The following ANKRD26 variants were observed in gnomAD, a reference collection of about 807,000 sequenced individuals.
ANKRD26 encodes the protein ankyrin repeat domain-containing protein 26.
Under a neutral mutation model 208.7 loss-of-function variants are expected in ANKRD26, and 141 were observed. That is an observed-to-expected ratio of 0.68 (90% confidence interval 0.59 to 0.78). The LOEUF is 0.78. Among genes scored for constraint, ANKRD26 ranks in the 30% least tolerant of loss-of-function variants. The pLI, the probability that ANKRD26 is intolerant of heterozygous loss-of-function variation, is 0.00. For synonymous variants in ANKRD26, 636 were observed against 660.4 expected, an observed-to-expected ratio of 0.96 and a Z score of 0.57; for missense variants, 1,889 against 1,938.7, an observed-to-expected ratio of 0.97 and a Z score of 0.48.
chr10:27,053,244 T>C, intron 16 of ANKRD26, 76 bp downstream of exon 16: 1 of 1,067,584 alleles, frequency 9.4e-7, no homozygotes. Context: ...TGAAAAGTAA[T>C]TTCATTTGGA....
At chr10:27,054,012 A>C (rs931535122) in intron 15 of ANKRD26, among the ~76,000 whole-genome samples, 1 of 151,912 alleles carries the variant, frequency 6.6e-6, no homozygotes, top group African/African-American at 2.4e-5. Flanking sequence ...ATTTTTTTTC[A>C]TCTTTTAAGA....
At chr10:26,966,131 G>T in the ANKRD26 span, among the ~76,000 whole-genome samples, 1 of 151,988 alleles carries the variant, frequency 6.6e-6, no homozygotes, top group Non-Finnish European at 1.5e-5. Context: ...CCCCTTTCTG[G>T]GTATATATCC....
chr10:27,013,177 G>T, intron 31 of ANKRD26, 67 bp from the exon 32 acceptor site: 1 of 1,419,276 alleles, frequency 7.0e-7, no homozygotes, highest in Non-Finnish European at 9.8e-7. Context: ...TAAAAGACTT[G>T]CAATTTTTAA....
At chr10:27,039,453 CA>C (rs34965939) in intron 21 of ANKRD26, among the ~76,000 whole-genome samples, 240 of 101,328 alleles carry the variant, frequency 2.4e-3, no homozygotes, top group Admixed American at 3.3e-3. Context: ...GACTCCATCT[CA>C]AAAAAAAAAA....
At position 27,007,651 on chromosome 10, in the gene ANKRD26, G is replaced by A. The variant is rs1329137232; in HGVS notation, c.4954-689C>T. ...AGCCTGGATGACAGAGCGAGACTCC[G>A]TCTCAAAAAAACAAACAAAAAAACC... is the stretch of plus-strand genomic sequence containing the variant. On this transcript the variant is annotated intron_variant, in intron 32 of 33. Coordinates refer to ENST00000376087, the MANE Select transcript of ANKRD26 (RefSeq NM_014915.3). 5.3e-5 allele frequency among the ~76,000 whole-genome samples: 8 copies of A among 152,042 alleles called. No individual in the cohort carries two copies. The South Asian group carries it at 8.3e-4, about 16-fold the overall frequency.
intron 15 of ANKRD26, among the ~76,000 whole-genome samples, chr10:27,055,594 G>T (rs542008821): frequency 3.9e-4 from 60 of 152,146 alleles, no homozygotes; most frequent in African/African-American, 1.4e-3. Flanking sequence ...CAACAGACTG[G>T]GTGTCCTAAA....
At chr10:27,027,960 C>T (rs775308064) in intron 27 of ANKRD26, among the ~76,000 whole-genome samples, 17 of 152,132 alleles carry the variant, frequency 1.1e-4, no homozygotes, top group Non-Finnish European at 2.2e-4. Context: ...ATATCCAATA[C>T]TTATTATAAG....
At position 27,093,716 on chromosome 10, in the gene ANKRD26, C is replaced by T. The variant is rs752680783; in HGVS notation, c.326G>A (p.Cys109Tyr). Residue 109 changes from cysteine (C) to tyrosine (Y), a missense_variant, in exon 2 of 34, where the codon TGT (cysteine) becomes TAT (tyrosine). This residue lies in a region of ANKRD26 where 1,272 missense variants were observed against 1,273.8 expected (regional missense o/e 1.00). Coordinates refer to ENST00000376087, the MANE Select transcript of ANKRD26 (RefSeq NM_014915.3). The part of the protein sequence containing the change: ...LVDRKCQLNV[C>Y]DNENRTALMK... ...CAGAGCTGTCCTGTTTTCGTTGTCACAGACATTGAGCTGGCATTTTCTGTC... is the reference window on the plus strand; with the variant it reads ...CAGAGCTGTCCTGTTTTCGTTGTCATAGACATTGAGCTGGCATTTTCTGTC... 6.2e-7 allele frequency: 1 copy of T among 1,614,212 alleles called. No individual in the cohort carries two copies. Among genetic ancestry groups the T allele is most frequent in the Admixed American group, 1.7e-5 (1 of 60,010 alleles).
At chr10:26,951,619 T>C in the ANKRD26 span, among the ~76,000 whole-genome samples, 2 of 143,024 alleles carry the variant, frequency 1.4e-5, no homozygotes, top group African/African-American at 5.2e-5. Flanking sequence ...GACTTTGTTT[T>C]AAAATTTTAA....
At chr10:27,001,021 C>T (rs538686500), downstream of ANKRD26, among the ~76,000 whole-genome samples, 9 of 152,164 alleles carry the variant, frequency 5.9e-5, no homozygotes, top group Non-Finnish European at 1.3e-4. Context: ...AACAAACAAA[C>T]AAACAAACAA....
intron 5 of ANKRD26, among the ~76,000 whole-genome samples, chr10:26,993,399 C>T (rs137976894): frequency 1.3e-5 from 2 of 152,292 alleles, no homozygotes; most frequent in East Asian, 3.9e-4. Context: ...CACCCCATAT[C>T]TCCTGGACTG....
At chr10:26,960,965 TC>T in the ANKRD26 span, among the ~76,000 whole-genome samples, 1 of 152,150 alleles carries the variant, frequency 6.6e-6, no homozygotes, top group Admixed American at 6.5e-5. Flanking sequence ...ATGCCTGTAA[TC>T]CCAGCCCTTT....
chr10:26,959,058 A>C, the ANKRD26 span, among the ~76,000 whole-genome samples: 1 of 152,042 alleles, frequency 6.6e-6, no homozygotes, highest in African/African-American at 2.4e-5. Context: ...AGTGATGTTG[A>C]GCTCTTTTTC....
chr10:27,001,003 G>C (rs2052711510), downstream of ANKRD26, among the ~76,000 whole-genome samples: 1 of 152,142 alleles, frequency 6.6e-6, no homozygotes, highest in Non-Finnish European at 1.5e-5. Flanking sequence ...GCGAGACTCT[G>C]TCTCAAAAAC....
chr10:27,028,746 T>G, intron 27 of ANKRD26, 106 bp downstream of exon 27: 1 of 943,114 alleles, frequency 1.1e-6, no homozygotes, highest in South Asian at 1.5e-5. Flanking sequence ...ATCCAAAATC[T>G]GAAACACTTC....
At chr10:26,967,809 T>G in the ANKRD26 span, among the ~76,000 whole-genome samples, 1 of 152,160 alleles carries the variant, frequency 6.6e-6, no homozygotes, top group African/African-American at 2.4e-5. Context: ...AACCTACATC[T>G]AATCATTTAC....
intron 6 of ANKRD26, chr10:27,080,541 A>G: frequency 1.3e-6 from 1 of 790,580 alleles, no homozygotes; most frequent in Non-Finnish European, 1.5e-6. Flanking sequence ...CTTTACAGGC[A>G]CTCAGATACC....
chr10:27,094,927 G>C (rs745988783), intron 1 of ANKRD26, among the ~76,000 whole-genome samples: 6 of 151,822 alleles, frequency 4.0e-5, no homozygotes, highest in Non-Finnish European at 7.4e-5. Context: ...TTGAGCCCAG[G>C]AGGTTGAGGC....
chr10:26,996,762 C>T (rs1024075306), intron 4 of ANKRD26, among the ~76,000 whole-genome samples: 9 of 152,214 alleles, frequency 5.9e-5, no homozygotes, highest in African/African-American at 2.2e-4. Context: ...TTGACTGTGA[C>T]CATAAGTGGG....
Sources: allele counts gnomAD v4.1 joint callset (sites outside exome capture counted in the v4.1 genomes callset), GRCh38; gene constraint gnomAD v4.1.1; regional missense constraint gnomAD v4.1.1; transcripts MANE v1.5; gene names NCBI Gene and HGNC (gene_info 2026-07-23, HGNC 2026-07-21).